MACROD2: variants seen among roughly 807,000 people sequenced by gnomAD.
MACROD2 encodes ADP-ribose glycohydrolase MACROD2.
In MACROD2, 36 loss-of-function variants were observed where a neutral mutation model predicts 70.4. The ratio of observed to expected loss-of-function variants is 0.51; its 90% CI spans 0.39 to 0.68. The LOEUF (loss-of-function observed/expected upper bound fraction) is 0.68, where lower values mean the gene tolerates loss of function less well. Among genes scored for constraint, MACROD2 ranks in the 30% least tolerant of loss-of-function variants. The pLI is 0.00. For synonymous variants in MACROD2, 172 were observed against 178.8 expected, an observed-to-expected ratio of 0.96 and a Z score of 0.30; for missense variants, 496 against 538.4, an observed-to-expected ratio of 0.92 and a Z score of 0.78.
At chr20:15,910,191 A>T (rs868513105) in intron 10 of MACROD2, among the ~76,000 whole-genome samples, 7 of 152,094 alleles carry the variant, frequency 4.6e-5, no homozygotes, top group Admixed American at 4.6e-4. Flanking sequence ...CTGACTCCAA[A>T]TTCTGTTGCT....
intron 5 of MACROD2, among the ~76,000 whole-genome samples, chr20:14,872,977 C>T (rs2073506497): frequency 6.6e-6 from 1 of 152,088 alleles, no homozygotes; most frequent in Non-Finnish European, 1.5e-5. Flanking sequence ...AACTCACTCA[C>T]TATCATGAGA....
intron 5 of MACROD2, among the ~76,000 whole-genome samples, chr20:14,775,975 T>A (rs1228611919): frequency 6.6e-6 from 1 of 151,996 alleles, no homozygotes; most frequent in African/African-American, 2.4e-5. Context: ...CAAATCTTAG[T>A]CACAACAAGT....
intron 5 of MACROD2, among the ~76,000 whole-genome samples, chr20:14,973,741 C>T (rs901366245): frequency 2.6e-5 from 4 of 152,006 alleles, no homozygotes; most frequent in African/African-American, 9.7e-5. Context: ...CTTAATGTGT[C>T]CCCTCTGTAT....
intron 15 of MACROD2, among the ~76,000 whole-genome samples, chr20:16,025,614 A>T (rs1417814922): frequency 2.6e-5 from 4 of 152,068 alleles, no homozygotes; most frequent in Non-Finnish European, 5.9e-5. Flanking sequence ...CCGCCTGGGG[A>T]TGGCGGGTTG....
chr20:14,992,864 A>G (rs1387836210), intron 5 of MACROD2, among the ~76,000 whole-genome samples: 1 of 150,770 alleles, frequency 6.6e-6, no homozygotes. Flanking sequence ...ACTGCTGGAA[A>G]GCAAGAACCT....
intron 7 of MACROD2, among the ~76,000 whole-genome samples, chr20:15,457,963 G>GAAA (rs570322661): frequency 1.3e-4 from 18 of 137,672 alleles, no homozygotes; most frequent in South Asian, 9.0e-4. Flanking sequence ...AAAAAAAAAA[G>GAAA]AAAAAAGAAA....
intron 5 of MACROD2, among the ~76,000 whole-genome samples, chr20:14,727,047 G>A (rs1175316832): frequency 6.6e-6 from 1 of 152,070 alleles, no homozygotes; most frequent in Non-Finnish European, 1.5e-5. Context: ...TTTTTATACA[G>A]TCTAAAGTGT....
chr20:14,493,030 G>T (rs2084812022), intron 3 of MACROD2, among the ~76,000 whole-genome samples: 1 of 151,976 alleles, frequency 6.6e-6, no homozygotes, highest in Admixed American at 6.6e-5. Context: ...ATTTCTTACT[G>T]CAAAATGTTT....
chr20:15,745,578 T>C (rs1423866011), intron 8 of MACROD2, among the ~76,000 whole-genome samples: 1 of 152,200 alleles, frequency 6.6e-6, no homozygotes, highest in Non-Finnish European at 1.5e-5. Context: ...CCATTTCTTC[T>C]GGATGTTTTT....
At chr20:15,636,076 GAAAAAA>G (rs57402806) in intron 8 of MACROD2, among the ~76,000 whole-genome samples, 1 of 85,830 alleles carries the variant, frequency 1.2e-5, no homozygotes, top group Non-Finnish European at 2.2e-5. Context: ...CCTCTCAAAA[GAAAAAA>G]AAAAAAAAAA....
chr20:14,954,829 T>G (rs1455730988), intron 5 of MACROD2, among the ~76,000 whole-genome samples: 1 of 100,624 alleles, frequency 9.9e-6, no homozygotes, highest in Non-Finnish European at 1.8e-5. Flanking sequence ...AAATTATAAA[T>G]ATATTATATA....
intron 8 of MACROD2, among the ~76,000 whole-genome samples, chr20:15,742,517 T>C (rs979226360): frequency 4.6e-5 from 7 of 152,180 alleles, no homozygotes; most frequent in South Asian, 2.1e-4. Context: ...GCCCATAACA[T>C]AGGGAATCAG....
chr20:15,886,432 T>C (rs1048736930), intron 10 of MACROD2, among the ~76,000 whole-genome samples: 1 of 152,156 alleles, frequency 6.6e-6, no homozygotes, highest in African/African-American at 2.4e-5. Flanking sequence ...TAATTCATTC[T>C]TTGGAATAGT....
intron 3 of MACROD2, among the ~76,000 whole-genome samples, chr20:14,219,482 G>T (rs191560984): frequency 2.7e-4 from 41 of 151,694 alleles, no homozygotes; most frequent in African/African-American, 9.2e-4. Flanking sequence ...GCCTTTCTTT[G>T]GTCCCTCCCC....
At chr20:14,596,979 T>G (rs1172427206) in intron 4 of MACROD2, among the ~76,000 whole-genome samples, 1 of 152,216 alleles carries the variant, frequency 6.6e-6, no homozygotes, top group Non-Finnish European at 1.5e-5. Flanking sequence ...GTATCAAAAT[T>G]TTAAACATCA....
intron 5 of MACROD2, among the ~76,000 whole-genome samples, chr20:15,077,146 T>C (rs8115332): frequency 0.015 from 2,332 of 152,342 alleles, 55 homozygotes; most frequent in African/African-American, 0.052. Flanking sequence ...TTTTAAATTC[T>C]GTTAGTTGAA....
At chr20:15,922,762 T>C (rs1183118694) in intron 10 of MACROD2, among the ~76,000 whole-genome samples, 1 of 152,234 alleles carries the variant, frequency 6.6e-6, no homozygotes, top group Non-Finnish European at 1.5e-5. Context: ...TTCACTCATC[T>C]GTCTCCCCAG....
rs574150770 is a variant in MACROD2, at chr20:14,154,315, G to A, written c.271+68587G>A. On this transcript the variant is annotated intron_variant, in intron 3 of 17. Coordinates refer to ENST00000684519, the MANE Select transcript of MACROD2 (RefSeq NM_001351661.2). ...CTAAGGAGAATACCAGCAACAAAGG[G>A]AAATTCCATGGGCGCTGAAAATGGA... is the stretch of plus-strand genomic sequence containing the variant. 3.6e-3 allele frequency among the ~76,000 whole-genome samples: 553 copies of A among 152,110 alleles called. 1 individual carries two copies. The highest frequency in any genetic ancestry group is 5.6e-3 in the Non-Finnish European group (381 of 67,968).
chr20:14,187,457 A>G (rs930166728), intron 3 of MACROD2, among the ~76,000 whole-genome samples: 1 of 152,224 alleles, frequency 6.6e-6, no homozygotes, highest in African/African-American at 2.4e-5. Context: ...AAACCCTTGA[A>G]TATACCTGTT....
Sources: gnomAD v4.1 joint callset for allele counts (sites outside exome capture counted in the v4.1 genomes callset) on GRCh38, gnomAD v4.1.1 for gene constraint, MANE v1.5 for transcripts, NCBI Gene and HGNC (gene_info 2026-07-23, HGNC 2026-07-21) for gene names.